The following TLN1 variants were observed in gnomAD, a reference collection of about 807,000 sequenced individuals.
The protein encoded by TLN1 is talin 1, also known as talin-1.
TLN1 carries 56 observed loss-of-function variants against 292.3 expected under a neutral mutation model. The ratio of observed to expected loss-of-function variants is 0.19; its 90% CI spans 0.15 to 0.24. TLN1 has a LOEUF of 0.24. TLN1 is among the 10% of genes least tolerant of loss of function. The pLI is 1.00. For synonymous variants in TLN1, 1,119 were observed against 1,253.7 expected, an observed-to-expected ratio of 0.89 and a Z score of 2.27; for missense variants, 2,433 against 3,248.2, an observed-to-expected ratio of 0.75 and a Z score of 6.10.
intron 46 of TLN1, 44 bp from the exon 47 acceptor site, chr9:35,703,944 G>C: frequency 1.9e-6 from 3 of 1,613,160 alleles, no homozygotes; most frequent in Non-Finnish European, 2.5e-6. Flanking sequence ...AGGAAGAAGC[G>C]GGACAGGAAG....
intron 33 of TLN1, among the ~76,000 whole-genome samples, chr9:35,709,130 A>C (rs888621728): frequency 6.6e-6 from 1 of 152,202 alleles, no homozygotes; most frequent in Non-Finnish European, 1.5e-5. Flanking sequence ...CCCTGTCTCT[A>C]CTAAAAATAC....
intron 48 of TLN1, among the ~76,000 whole-genome samples, chr9:35,703,162 TG>T (rs1363431016): frequency 6.6e-6 from 1 of 152,090 alleles, no homozygotes; most frequent in African/African-American, 2.4e-5. Context: ...CTAGCCAGCA[TG>T]GTATGCACCT....
chr9:35,731,033 C>G (rs959291118), intron 1 of TLN1, among the ~76,000 whole-genome samples: 1 of 152,098 alleles, frequency 6.6e-6, no homozygotes, highest in African/African-American at 2.4e-5. Flanking sequence ...GTGGCCACAG[C>G]AAGGGCCTTG....
intron 1 of TLN1, among the ~76,000 whole-genome samples, chr9:35,727,411 T>C (rs1283611039): frequency 6.6e-6 from 1 of 152,120 alleles, no homozygotes; most frequent in Non-Finnish European, 1.5e-5. Flanking sequence ...GAGGCAGGTA[T>C]GAAAATGGTC....
Position 35,703,631 on chromosome 9 carries a change from C to A in TLN1, c.6403G>T (p.Val2135Leu), listed in dbSNP as rs373973771. Residue 2135 changes from valine (V) to leucine (L), a missense_variant, in exon 48 of 57, where the codon GTG becomes TTG. Transcript: ENST00000314888. The part of the protein sequence containing the change: ...VTSLLKTVKA[V>L]EDEATKGTRA... ...GTGCCTTTGGTGGCCTCATCTTCCA[C>A]GGCTTTTACTGTCTTAAGCAATGAT... 6.2e-7 allele frequency: 1 copy of A among 1,614,056 alleles called. No individual in the cohort carries two copies. The highest frequency in any genetic ancestry group is 8.5e-7 in the Non-Finnish European group (1 of 1,180,030).
chr9:35,703,146 C>T lies in TLN1; in HGVS notation c.6474+414G>A, dbSNP rs547374391. On this transcript the variant is annotated intron_variant, in intron 48 of 56. Coordinates refer to ENST00000314888, the MANE Select transcript of TLN1 (RefSeq NM_006289.4). ...TGAAACCCCATCTCTACTAAAAATA[C>T]AAAAACTAGCCAGCATGGTATGCAC... Among the ~76,000 whole-genome samples the T allele has an allele frequency of 1.1e-4, 16 of 152,202 alleles. No homozygotes were observed. In the East Asian group the frequency reaches 3.1e-3, roughly 30 times the overall value.
chr9:35,704,135 G>A lies in TLN1; in HGVS notation c.6087C>T (p.Asp2029=), dbSNP rs879143547. The A allele has an allele frequency of 1.2e-6, 2 of 1,611,384 alleles. No individual in the cohort carries two copies. The highest frequency in any genetic ancestry group is 1.7e-6 in the Non-Finnish European group (2 of 1,178,558). ...ILKTAKVLVE[D]TKVLVQNAAG... ...CTGCGTTTTGCACCAGGACCTTGGTGTCCTCCACCAGCACCTTCGCAGTCT... is the reference window on the plus strand; with the variant it reads ...CTGCGTTTTGCACCAGGACCTTGGTATCCTCCACCAGCACCTTCGCAGTCT... The change falls in exon 46 of 57, where the codon GAC becomes GAT. Residue 2029 remains aspartate (D), a synonymous_variant. Coordinates refer to ENST00000314888, the MANE Select transcript of TLN1 (RefSeq NM_006289.4). The surrounding 1 kb of genome is among the most constrained non-coding windows in gnomAD (Gnocchi z 6.9).
rs566077631 is a variant in TLN1 at position 35,699,639 on chromosome 9, G to C, written c.6769-178C>G. The C allele has an allele frequency of 5.6e-5, 55 of 985,420 alleles. No individual in the cohort carries two copies. The African/African-American group carries it at 8.4e-4, about 15-fold the overall frequency. 61.0% of individuals were successfully genotyped at this position (985,420 alleles called of 1,614,324 possible). On this transcript the variant is annotated intron_variant, in intron 50 of 56. Coordinates refer to ENST00000314888, the MANE Select transcript of TLN1 (RefSeq NM_006289.4). This position sits in a 1 kb window ranked among gnomAD's most constrained non-coding sequence, Gnocchi z 4.0. ...CATGCATCACACCTCACACGTGATA[G>C]AGACAGTGGGGCTGTGTCACTCACC...
chr9:35,711,246 A>G lies in TLN1; in HGVS notation c.4019+9T>C, dbSNP rs1411377409. 3 of 1,613,992 alleles carry G rather than the reference A, an allele frequency of 1.9e-6. No homozygotes were observed. Among genetic ancestry groups the G allele is most frequent in the African/African-American group, 2.7e-5 (2 of 74,940 alleles). ...CAGTCCAGGGCTGGGCTTCTCAGCA[A>G]CTACTTACCTGGCAGCTGCAGCCAG... On this transcript the variant is annotated intron_variant, in intron 30 of 56. Transcript: ENST00000314888.
Position 35,712,596 on chromosome 9 carries a change from C to T in TLN1, c.3561+239G>A, listed in dbSNP as rs147506910. On this transcript the variant is annotated intron_variant, in intron 27 of 56. Transcript: ENST00000314888. ...CCAGGAGGCGGAGACTGCACTGAGC[C>T]GAAATTGCGCCATTGCACTCCAGCC... 6.1e-5 allele frequency among the ~76,000 whole-genome samples: 9 copies of T among 147,350 alleles called. No homozygotes were observed. The East Asian group carries it at 1.4e-3, about 23-fold the overall frequency.
Position 35,710,611 on chromosome 9 carries a change from T to C in TLN1, c.4276A>G (p.Ile1426Val). The C allele has an allele frequency of 1.2e-6, 2 of 1,614,150 alleles. No homozygotes were observed. Among genetic ancestry groups the C allele is most frequent in the Non-Finnish European group, 8.5e-7 (1 of 1,180,032 alleles). Residue 1426 changes from isoleucine (I) to valine (V), a missense_variant, in exon 33 of 57, where the codon ATT (isoleucine) becomes GTT (valine). By Grantham distance (29) the Ile-to-Val change is conservative. This residue lies in a region of TLN1 where 1,384 missense variants were observed against 1,699.6 expected (regional missense o/e 0.81). Transcript: ENST00000314888. ...NGNLPEFGDA[I>V]STASKALCGF... is the part of the protein sequence containing the mutation. ...CAAAGTGCCTTTGAGGCTGTGGAAATGGCATCTCCAAACTCTGGCAGGTTT... is the reference window on the plus strand; with the variant it reads ...CAAAGTGCCTTTGAGGCTGTGGAAACGGCATCTCCAAACTCTGGCAGGTTT...
chr9:35,722,201 A>C lies in TLN1; in HGVS notation c.866T>G (p.Met289Arg), dbSNP rs201793772. Residue 289 changes from methionine to arginine, a missense_variant, in exon 9 of 57, where the codon ATG becomes AGG. Around this residue, in one of 7 missense-constraint regions of TLN1, gnomAD observed 78 missense variants for 88.8 expected, o/e 0.88. Coordinates refer to ENST00000314888, the MANE Select transcript of TLN1 (RefSeq NM_006289.4). ...GCGGACCTTGGCCTCAATCTCACTCATCTGCCCACAATTCTTGTGTGCCTG... is the reference window on the plus strand; with the variant it reads ...GCGGACCTTGGCCTCAATCTCACTCCTCTGCCCACAATTCTTGTGTGCCTG... ...IFQAHKNCGQ[M>R]SEIEAKVRYV... 310 of 1,614,258 alleles carry C rather than the reference A, an allele frequency of 1.9e-4. No homozygotes were observed. The highest frequency in any genetic ancestry group is 6.6e-4 in the Middle Eastern group (4 of 6,062).
In TLN1 at chr9:35,699,983, A is replaced by G. The variant is rs1825434595; in HGVS notation, c.6759T>C (p.His2253=). 6.2e-7 allele frequency: 1 copy of G among 1,611,890 alleles called. No homozygotes were observed. The highest frequency in any genetic ancestry group is 2.2e-5 in the East Asian group (1 of 44,804). ...CAACGCCCTCCCTTACCAGCAGTACATGGTCCAGCAGTTCCAGGTAGCCAT... is the reference window on the plus strand; with the variant it reads ...CAACGCCCTCCCTTACCAGCAGTACGTGGTCCAGCAGTTCCAGGTAGCCAT... ...CANGYLELLD[H]VLLTLQKPSP... is the part of the protein sequence containing the mutation. The change falls in exon 50 of 57, where the codon CAT becomes CAC. Residue 2253 remains histidine, a synonymous_variant. Coordinates refer to ENST00000314888, the MANE Select transcript of TLN1 (RefSeq NM_006289.4). The surrounding 1 kb of genome is among the most constrained non-coding windows in gnomAD (Gnocchi z 4.0).
In TLN1 at chr9:35,706,758, T is replaced by G. The variant is rs749868507; in HGVS notation, c.5088+10A>C. 1.2e-6 allele frequency: 2 copies of G among 1,612,888 alleles called. No homozygotes were observed. The highest frequency in any genetic ancestry group is 1.7e-6 in the Non-Finnish European group (2 of 1,179,580). Reference sequence around the variant, plus strand: ...AGACACATCTTTCCATATAACCCTCTCCCTCTCACCTCTTGAGAGATTCCC... The same window carrying G: ...AGACACATCTTTCCATATAACCCTCGCCCTCTCACCTCTTGAGAGATTCCC... On this transcript the variant is annotated intron_variant, in intron 38 of 56. Transcript: ENST00000314888. This position sits in a 1 kb window ranked among gnomAD's most constrained non-coding sequence, Gnocchi z 4.2.
rs1825515867 is a variant in TLN1 at position 35,704,037 on chromosome 9, A to C, written c.6185T>G (p.Val2062Gly). The C allele has an allele frequency of 6.2e-7, 1 of 1,613,730 alleles. No individual in the cohort carries two copies. Among genetic ancestry groups the C allele is most frequent in the Admixed American group, 1.7e-5 (1 of 59,984 alleles). Reference protein sequence around the residue: ...VATITRLADVVKLGAASLGAE... With the variant: ...VATITRLADVGKLGAASLGAE... ...TCCCAGGCTGGCTGCACCCAGCTTG[A>C]CCACATCAGCGAGGCGGGTGATGGT... Residue 2062 changes from valine (V) to glycine (G), a missense_variant, in exon 46 of 57, where the codon GTC becomes GGC. Around this residue, in one of 7 missense-constraint regions of TLN1, gnomAD observed 1,384 missense variants for 1,699.6 expected, o/e 0.81. Transcript: ENST00000314888. This position sits in a 1 kb window ranked among gnomAD's most constrained non-coding sequence, Gnocchi z 6.9.
In TLN1 at chr9:35,718,879, T is replaced by C; in HGVS notation, c.1928A>G (p.Asn643Ser). 1 of 1,613,518 alleles carries C rather than the reference T, an allele frequency of 6.2e-7. No homozygotes were observed. Among genetic ancestry groups the C allele is most frequent in the Non-Finnish European group, 8.5e-7 (1 of 1,179,762 alleles). ...CAGCTCCCCACTGGCCTGGCCCACG[T>C]TCCCAGCTGCTTGCAGCAGGTTCTG... The part of the protein sequence containing the change: ...PRQNLLQAAG[N>S]VGQASGELLQ... The change falls in exon 17 of 57, where the codon AAC (asparagine) becomes AGC (serine). Residue 643 changes from asparagine (N) to serine (S), a missense_variant. By Grantham distance (46) the Asn-to-Ser change is conservative (BLOSUM62 1). This residue lies in a region of TLN1 where 617 missense variants were observed against 770.6 expected (regional missense o/e 0.80). Coordinates refer to ENST00000314888, the MANE Select transcript of TLN1 (RefSeq NM_006289.4).
chr9:35,704,549 A>C lies in TLN1; in HGVS notation c.5881-51T>G. On this transcript the variant is annotated intron_variant, in intron 44 of 56. Transcript: ENST00000314888. The surrounding 1 kb of genome is among the most constrained non-coding windows in gnomAD (Gnocchi z 6.9). ...CTGTGGAAGGTGCCATGTGAAATGG[A>C]AAGGTTGCCCATGCCTGGGAGAAGT... The C allele has an allele frequency of 6.3e-7, 1 of 1,582,770 alleles. No homozygotes were observed. The highest frequency in any genetic ancestry group is 2.2e-5 in the East Asian group (1 of 44,510).
chr9:35,715,210 G>T, intron 20 of TLN1, 23 bp from the exon 21 acceptor site: 1 of 1,605,136 alleles, frequency 6.2e-7, no homozygotes. Flanking sequence ...TGGAAAGACA[G>T]TCATCACCCA....
rs559753613 is a variant in TLN1, at chr9:35,720,086, G to C, written c.1417C>G (p.Gln473Glu). 2 of 1,606,266 alleles carry C rather than the reference G, an allele frequency of 1.2e-6. No individual in the cohort carries two copies. The highest frequency in any genetic ancestry group is 2.2e-5 in the East Asian group (1 of 44,848). Reference sequence around the variant, plus strand: ...TGCATCTGGCCGCTGGTAATCTGCTGCTGGGCAGGGGGCATGCTGCCCACC... The same window carrying C: ...TGCATCTGGCCGCTGGTAATCTGCTCCTGGGCAGGGGGCATGCTGCCCACC... Reference protein sequence around the residue: ...FQVGSMPPAQQQITSGQMHRG... With the variant: ...FQVGSMPPAQEQITSGQMHRG... The change falls in exon 13 of 57, where the codon CAG becomes GAG. Residue 473 changes from glutamine to glutamate, a missense_variant. Transcript: ENST00000314888.
Sources: gnomAD v4.1 joint callset for allele counts (sites outside exome capture counted in the v4.1 genomes callset) on GRCh38, gnomAD v4.1.1 for gene constraint, gnomAD v4.1.1 regional missense constraint, Gnocchi (gnomAD v3.1) non-coding constraint, MANE v1.5 for transcripts, NCBI Gene and HGNC (gene_info 2026-07-23, HGNC 2026-07-21) for gene names.